EIF4H: variants seen among roughly 807,000 people sequenced by gnomAD.
EIF4H encodes Williams-Beuren syndrome chromosome region 1.
Under a neutral mutation model 30.6 loss-of-function variants are expected in EIF4H, and 8 were observed. The ratio of observed to expected loss-of-function variants is 0.26; its 90% CI spans 0.15 to 0.47. EIF4H has a LOEUF of 0.47. EIF4H is among the 20% of genes least tolerant of loss of function. The pLI is 0.99. For synonymous variants in EIF4H, 106 were observed against 122.7 expected, an observed-to-expected ratio of 0.86 and a Z score of 0.90; for missense variants, 188 against 339.5, an observed-to-expected ratio of 0.55 and a Z score of 3.51.
rs1554709393 is a variant in EIF4H at position 74,187,789 on chromosome 7, A to C, written c.238A>C (p.Lys80Gln). The C allele has an allele frequency of 6.2e-7, 1 of 1,607,246 alleles. No individual in the cohort carries two copies. The highest frequency in any genetic ancestry group is 8.5e-7 in the Non-Finnish European group (1 of 1,175,216). Residue 80 changes from lysine to glutamine, a missense_variant, in exon 2 of 7, where the codon AAA (lysine) becomes CAA (glutamine). Lys to Gln is a moderately conservative substitution (Grantham distance 53). Around this residue, in one of 4 missense-constraint regions of EIF4H, gnomAD observed 52 missense variants for 143.9 expected, o/e 0.36. Coordinates refer to ENST00000265753, the MANE Select transcript of EIF4H (RefSeq NM_022170.2). ...GCTAGTCAGAGACAAAGACACAGATAAATTTAAAGGTGAGTTTGGGGGATT... is the reference window on the plus strand; with the variant it reads ...GCTAGTCAGAGACAAAGACACAGATCAATTTAAAGGTGAGTTTGGGGGATT... ...VRLVRDKDTDKFKGFCYVEFD... is the reference protein window; with the variant it reads ...VRLVRDKDTDQFKGFCYVEFD...
chr7:74,174,469 CG>C lies in EIF4H; in HGVS notation c.59+32del. ...TGAGGCGGGCGTGCGCGGGCCCCGT[CG>C]GGGGCTGCGGGACCGGCGGAGTCGG... On this transcript the variant is annotated intron_variant, in intron 1 of 6. Coordinates refer to ENST00000265753, the MANE Select transcript of EIF4H (RefSeq NM_022170.2). The C allele has an allele frequency of 2.9e-6, 4 of 1,391,242 alleles. No individual in the cohort carries two copies. In the South Asian group the frequency reaches 5.1e-5, roughly 18 times the overall value. 86.2% of individuals were successfully genotyped at this position (1,391,242 alleles called of 1,614,324 possible).
At chr7:74,192,689 T>A (rs2115993395) in intron 5 of EIF4H, among the ~76,000 whole-genome samples, 1 of 144,986 alleles carries the variant, frequency 6.9e-6, no homozygotes, top group East Asian at 2.0e-4. Context: ...TTCTTTTTTT[T>A]TTTTTTGAGA....
At chr7:74,183,905 T>C (rs1801022968) in intron 1 of EIF4H, 1 of 152,274 alleles carries the variant, frequency 6.6e-6, no homozygotes, top group South Asian at 2.1e-4. Flanking sequence ...AGTGATTTCA[T>C]TGAATGGGAT....
chr7:74,189,541 G>C, intron 2 of EIF4H, 132 bp from the exon 3 acceptor site: 2 of 939,422 alleles, frequency 2.1e-6, no homozygotes, highest in Non-Finnish European at 1.6e-6. Context: ...TCTATTGAAA[G>C]GCTCTCCTAG....
chr7:74,194,700 G>A (rs781877162), intron 5 of EIF4H, 41 bp from the exon 6 acceptor site: 18 of 1,527,342 alleles, frequency 1.2e-5, no homozygotes, highest in Admixed American at 4.2e-5. Context: ...GCTTGGAGAC[G>A]ATAGTTTGAA....
chr7:74,181,518 G>A (rs553427422), intron 1 of EIF4H, among the ~76,000 whole-genome samples: 2 of 151,880 alleles, frequency 1.3e-5, no homozygotes, highest in African/African-American at 2.4e-5. Flanking sequence ...CACAACCTCC[G>A]CCTCCTGGGT....
chr7:74,189,034 T>A (rs1400507983), intron 2 of EIF4H, among the ~76,000 whole-genome samples: 2 of 152,070 alleles, frequency 1.3e-5, no homozygotes, highest in African/African-American at 4.8e-5. Flanking sequence ...GGAGAGGGGA[T>A]GCAGGGTGTA....
At chr7:74,193,996 CTT>C (rs1402870514) in intron 5 of EIF4H, among the ~76,000 whole-genome samples, 1 of 152,218 alleles carries the variant, frequency 6.6e-6, no homozygotes, top group Non-Finnish European at 1.5e-5. Context: ...AGAAAATACT[CTT>C]TCCTCCTACA....
intron 2 of EIF4H, 111 bp downstream of exon 2, chr7:74,187,909 T>C: frequency 7.8e-7 from 1 of 1,290,046 alleles, no homozygotes; most frequent in Non-Finnish European, 1.0e-6. Context: ...AAGAAAGTGT[T>C]TTAAACATTT....
Position 74,195,394 on chromosome 7 carries a change from C to T in EIF4H, c.*86C>T, listed in dbSNP as rs1434212880. 7.7e-6 allele frequency: 11 copies of T among 1,430,190 alleles called. No homozygotes were observed. Among genetic ancestry groups the T allele is most frequent in the East Asian group, 2.4e-5 (1 of 41,754 alleles). 88.6% of individuals were successfully genotyped at this position (1,430,190 alleles called of 1,614,324 possible). Reference sequence around the variant, plus strand: ...CCCCGGGCAGCCGTCCTGCAGCCGCCACTCCTGCGCCTGCCATTGGCCTCC... The same window carrying T: ...CCCCGGGCAGCCGTCCTGCAGCCGCTACTCCTGCGCCTGCCATTGGCCTCC... On this transcript the variant is annotated 3_prime_UTR_variant, in exon 7 of 7. Transcript: ENST00000265753.
chr7:74,193,591 T>C (rs532887324), intron 5 of EIF4H, among the ~76,000 whole-genome samples: 3 of 151,154 alleles, frequency 2.0e-5, no homozygotes, highest in South Asian at 2.1e-4. Flanking sequence ...TGTTTAATTA[T>C]GGTTTAACTT....
chr7:74,194,617 A>C, intron 5 of EIF4H, 124 bp from the exon 6 acceptor site: 1 of 1,343,978 alleles, frequency 7.4e-7, no homozygotes, highest in Non-Finnish European at 9.9e-7. Flanking sequence ...TTTTGGAGAG[A>C]CTTCAGATAG....
At chr7:74,185,395 G>A (rs1300699237) in intron 1 of EIF4H, among the ~76,000 whole-genome samples, 5 of 152,166 alleles carry the variant, frequency 3.3e-5, no homozygotes, top group African/African-American at 1.2e-4. Context: ...GAGTACTATT[G>A]GCAAAGGTTA....
At position 74,196,483 on chromosome 7, in the gene EIF4H, A is replaced by C. The variant is rs1801355779; in HGVS notation, c.*1175A>C. On this transcript the variant is annotated 3_prime_UTR_variant, in exon 7 of 7. Transcript: ENST00000265753. ...CTTGGGGACACACTGGACTGTTCCCATGTGCAGGGTTCAGCAGTTATGTGG... is the reference window on the plus strand; with the variant it reads ...CTTGGGGACACACTGGACTGTTCCCCTGTGCAGGGTTCAGCAGTTATGTGG... 1 of 152,604 alleles carries C rather than the reference A, an allele frequency of 6.6e-6. No homozygotes were observed. The allele number at this position is 152,604 out of a possible 1,614,324, so 9.5% of individuals were successfully genotyped here. A position where few individuals can be genotyped will look rare whatever the true frequency, so the allele number is the denominator to read the frequency against.
chr7:74,182,438 A>T (rs1554708555), intron 1 of EIF4H, among the ~76,000 whole-genome samples: 1 of 151,534 alleles, frequency 6.6e-6, no homozygotes, highest in African/African-American at 2.4e-5. Context: ...TGATCTCCCC[A>T]CCTTGGCCTC....
chr7:74,179,044 C>T (rs1257776271), intron 1 of EIF4H, among the ~76,000 whole-genome samples: 2 of 152,110 alleles, frequency 1.3e-5, no homozygotes, highest in East Asian at 3.9e-4. Context: ...TTTTTGGAGC[C>T]TTCTGTGTAC....
intron 1 of EIF4H, among the ~76,000 whole-genome samples, chr7:74,185,638 T>C (rs1801064324): frequency 6.6e-6 from 1 of 152,116 alleles, no homozygotes; most frequent in Non-Finnish European, 1.5e-5. Context: ...AATGCTTTAA[T>C]GAATAATATT....
At chr7:74,175,812 G>A (rs1554707586) in intron 1 of EIF4H, among the ~76,000 whole-genome samples, 1 of 151,374 alleles carries the variant, frequency 6.6e-6, no homozygotes, top group African/African-American at 2.4e-5. Context: ...TTAAGTTTTA[G>A]TTGCATTGGG....
intron 1 of EIF4H, 149 bp from the exon 2 acceptor site, chr7:74,187,462 C>G: frequency 1.3e-6 from 1 of 777,668 alleles, no homozygotes; most frequent in Non-Finnish European, 1.8e-6. Context: ...TTTTTTGTTT[C>G]TCCAGCCATT....
Sources: gnomAD v4.1 joint callset for allele counts (sites outside exome capture counted in the v4.1 genomes callset) on GRCh38, gnomAD v4.1.1 for gene constraint, gnomAD v4.1.1 regional missense constraint, MANE v1.5 for transcripts, NCBI Gene and HGNC (gene_info 2026-07-23, HGNC 2026-07-21) for gene names.